The following DIS3L2 variants were observed in gnomAD, a reference collection of about 807,000 sequenced individuals.
DIS3L2 encodes DIS3 like 3'-5' exoribonuclease 2.
A neutral mutation model predicts 97.5 loss-of-function variants in DIS3L2; 34 were observed. The ratio of observed to expected loss-of-function variants is 0.35; its 90% CI spans 0.27 to 0.46. The LOEUF (loss-of-function observed/expected upper bound fraction) is 0.46, where lower values mean the gene tolerates loss of function less well. Ranked by LOEUF, DIS3L2 falls within the 20% of genes least tolerant of loss-of-function variation. The probability of loss-of-function intolerance (pLI) is 1.00; values close to 1 mark genes in which losing one functional copy is unlikely to be tolerated. For missense variants in DIS3L2, 1,038 were observed against 1,146.0 expected (o/e 0.91, Z 1.36); for synonymous variants, 435 against 445.2 (o/e 0.98, Z 0.29).
chr2:232,192,683 G>A (rs1691647329), intron 9 of DIS3L2, among the ~76,000 whole-genome samples: 1 of 152,248 alleles, frequency 6.6e-6, no homozygotes, highest in Non-Finnish European at 1.5e-5. Flanking sequence ...AGTGGTGACT[G>A]TAATGTCCTG....
At chr2:231,994,476 A>G (rs1025153268) in intron 1 of DIS3L2, among the ~76,000 whole-genome samples, 3 of 152,148 alleles carry the variant, frequency 2.0e-5, no homozygotes, top group African/African-American at 7.2e-5. Context: ...GAGAATTGAT[A>G]TCTTTACTAT....
chr2:231,963,861 G>T (rs112502699), intron 1 of DIS3L2, among the ~76,000 whole-genome samples: 1 of 152,082 alleles, frequency 6.6e-6, no homozygotes, highest in Non-Finnish European at 1.5e-5. Flanking sequence ...TGAGACTACA[G>T]GTGCGCACTA....
chr2:232,090,073 T>G (rs1696791023), intron 6 of DIS3L2, among the ~76,000 whole-genome samples: 2 of 151,964 alleles, frequency 1.3e-5, no homozygotes. Context: ...GGGACTAAAG[T>G]GTGCACCACC....
chr2:232,017,305 G>T (rs1030449323), intron 3 of DIS3L2, among the ~76,000 whole-genome samples: 1 of 152,002 alleles, frequency 6.6e-6, no homozygotes, highest in African/African-American at 2.4e-5. Context: ...CACCATGTTG[G>T]CCAGGCTGGT....
chr2:232,131,974 G>T, intron 7 of DIS3L2: 2 of 126,956 alleles, frequency 1.6e-5, no homozygotes, highest in African/African-American at 3.0e-5. Context: ...AAAAAGAGTC[G>T]TCGGTGGGCG....
intron 5 of DIS3L2, among the ~76,000 whole-genome samples, chr2:232,048,045 A>G (rs1695291483): frequency 6.6e-6 from 1 of 152,208 alleles, no homozygotes; most frequent in Non-Finnish European, 1.5e-5. Flanking sequence ...ATTTTATATA[A>G]GCACATGTTT....
chr2:232,232,033 A>G (rs979439584), intron 10 of DIS3L2, among the ~76,000 whole-genome samples: 3 of 151,410 alleles, frequency 2.0e-5, no homozygotes, highest in African/African-American at 7.3e-5. Context: ...CCGCGGGGAG[A>G]CCCCTGGGTG....
chr2:232,328,798 A>C (rs940946075), intron 14 of DIS3L2: 4 of 152,160 alleles, frequency 2.6e-5, no homozygotes, highest in Non-Finnish European at 5.9e-5. Flanking sequence ...GCATGAGGAC[A>C]TGCCCAAGGC....
intron 6 of DIS3L2, among the ~76,000 whole-genome samples, chr2:232,127,779 G>A (rs899993137): frequency 6.6e-6 from 1 of 152,068 alleles, no homozygotes; most frequent in Non-Finnish European, 1.5e-5. Flanking sequence ...AGAACTTCCT[G>A]CCTTTACCCT....
At chr2:232,084,799 C>CAAAA (rs55977523) in intron 5 of DIS3L2, among the ~76,000 whole-genome samples, 67 of 145,606 alleles carry the variant, frequency 4.6e-4, no homozygotes, top group African/African-American at 1.5e-3. Context: ...CAGTTTTGCT[C>CAAAA]AAAAAAAAAA....
downstream of DIS3L2, chr2:232,339,629 G>T (rs909620830): frequency 2.3e-6 from 1 of 439,084 alleles, no homozygotes; most frequent in South Asian, 1.6e-5. Context: ...CCACTGCAGG[G>T]TGTTCAGAGA....
At chr2:232,060,831 A>G (rs186829982) in intron 5 of DIS3L2, among the ~76,000 whole-genome samples, 60 of 152,168 alleles carry the variant, frequency 3.9e-4, no homozygotes, top group Admixed American at 2.3e-3. Context: ...TTCAATTTCT[A>G]TCATCAGTGT....
intron 5 of DIS3L2, among the ~76,000 whole-genome samples, chr2:232,078,579 G>A (rs923571566): frequency 2.6e-5 from 4 of 152,194 alleles, no homozygotes; most frequent in Non-Finnish European, 5.9e-5. Context: ...CCTTGTGCTT[G>A]AAAACTTTTC....
At chr2:232,082,819 T>A (rs1181562538) in intron 5 of DIS3L2, among the ~76,000 whole-genome samples, 1 of 152,238 alleles carries the variant, frequency 6.6e-6, no homozygotes, top group Non-Finnish European at 1.5e-5. Flanking sequence ...ACTGATCTTC[T>A]GTATTAGTCC....
chr2:232,031,413 G>A (rs1036209750), intron 5 of DIS3L2, among the ~76,000 whole-genome samples: 2 of 151,986 alleles, frequency 1.3e-5, no homozygotes, highest in South Asian at 2.1e-4. Flanking sequence ...TTAATGGGGA[G>A]TACAGGTAGG....
intron 1 of DIS3L2, among the ~76,000 whole-genome samples, chr2:231,990,426 A>C (rs1027756104): frequency 6.6e-6 from 1 of 152,206 alleles, no homozygotes. Context: ...CCAGTTTGAT[A>C]CGAAAGTCTT....
At chr2:232,254,832 G>C (rs1451819751) in intron 12 of DIS3L2, among the ~76,000 whole-genome samples, 1 of 152,180 alleles carries the variant, frequency 6.6e-6, no homozygotes, top group Non-Finnish European at 1.5e-5. Context: ...TCCAGGAGGG[G>C]CTGTGGGCCT....
chr2:232,185,247 G>A (rs186997255), intron 9 of DIS3L2, among the ~76,000 whole-genome samples: 63 of 152,244 alleles, frequency 4.1e-4, no homozygotes, highest in Admixed American at 7.9e-4. Flanking sequence ...TATAGGGTAT[G>A]TTTTCTGACC....
At chr2:232,007,019 A>G (rs983389285) in intron 1 of DIS3L2, among the ~76,000 whole-genome samples, 1 of 152,212 alleles carries the variant, frequency 6.6e-6, no homozygotes, top group Non-Finnish European at 1.5e-5. Context: ...TTGTGAGTCC[A>G]GACCACATTT....
Sources: allele counts gnomAD v4.1 joint callset (sites outside exome capture counted in the v4.1 genomes callset), GRCh38; gene constraint gnomAD v4.1.1; transcripts MANE v1.5; gene names NCBI Gene and HGNC (gene_info 2026-07-23, HGNC 2026-07-21).